Variants in DNAJC1 observed in about 807,000 individuals in gnomAD.
DNAJC1 encodes the protein DnaJ heat shock protein family (Hsp40) member C1.
In DNAJC1, 58 loss-of-function variants were observed where a neutral mutation model predicts 76.6. The observed-to-expected ratio is 0.76, with a 90% CI of 0.61 to 0.94. The LOEUF is 0.94. Ranked by LOEUF, DNAJC1 falls within the 40% of genes least tolerant of loss-of-function variation. The pLI is 0.00. For missense variants in DNAJC1, 689 were observed against 677.3 expected, an observed-to-expected ratio of 1.02 and a Z score of -0.19; for synonymous variants, 258 against 267.9, an observed-to-expected ratio of 0.96 and a Z score of 0.36.
At chr10:21,952,684 G>A (rs1307641863) in intron 1 of DNAJC1, among the ~76,000 whole-genome samples, 7 of 152,142 alleles carry the variant, frequency 4.6e-5, no homozygotes, top group African/African-American at 4.8e-5. Flanking sequence ...ACTTGAAACT[G>A]GGAGGCAGAG....
chr10:21,872,218 T>C (rs1836116217), intron 8 of DNAJC1, among the ~76,000 whole-genome samples: 1 of 151,532 alleles, frequency 6.6e-6, no homozygotes, highest in African/African-American at 2.4e-5. Context: ...GGATTACAGG[T>C]GCCCACCACC....
At chr10:21,929,467 A>G (rs1407886363) in intron 1 of DNAJC1, among the ~76,000 whole-genome samples, 1 of 152,238 alleles carries the variant, frequency 6.6e-6, no homozygotes, top group Non-Finnish European at 1.5e-5. Context: ...ATCAAAAAGA[A>G]ACAAATTAAA....
rs1356918239 is a variant in DNAJC1 at position 21,759,508 on chromosome 10, C to T, written c.1258G>A (p.Val420Met). ...MITQREDAEG[V>M]AAEEEQEGDS... The stretch of plus-strand genomic sequence containing the variant: ...CCCTCCTGCTCCTCCTCCGCTGCCA[C>T]CCCCTCTGCGTCCTCTCGCTGGGTG... Residue 420 changes from valine to methionine, a missense_variant, in exon 11 of 12, where the codon GTG becomes ATG. Physicochemically the swap from Val to Met is conservative, Grantham distance 21. Coordinates refer to ENST00000376980, the MANE Select transcript of DNAJC1 (RefSeq NM_022365.4). 3 of 1,614,178 alleles carry T rather than the reference C, an allele frequency of 1.9e-6. No homozygotes were observed. Among genetic ancestry groups the T allele is most frequent in the Admixed American group, 1.7e-5 (1 of 60,014 alleles).
intron 3 of DNAJC1, among the ~76,000 whole-genome samples, chr10:21,922,273 G>GATTATT (rs1316029636): frequency 6.6e-6 from 1 of 151,782 alleles, no homozygotes; most frequent in Non-Finnish European, 1.5e-5. Context: ...TAAAGCAGAG[G>GATTATT]ATTTATTACA....
intron 9 of DNAJC1, among the ~76,000 whole-genome samples, chr10:21,779,876 T>C (rs189779964): frequency 1.9e-3 from 294 of 152,170 alleles, no homozygotes; most frequent in Non-Finnish European, 2.9e-3. Flanking sequence ...CTAACTAGAA[T>C]AACCAGTGTA....
At chr10:21,895,190 T>C (rs1836521677) in intron 7 of DNAJC1, among the ~76,000 whole-genome samples, 1 of 152,144 alleles carries the variant, frequency 6.6e-6, no homozygotes, top group South Asian at 2.1e-4. Context: ...ATTAAGCATG[T>C]TTCCAGTGAG....
At chr10:21,768,816 A>T (rs1176032149) in intron 9 of DNAJC1, among the ~76,000 whole-genome samples, 2 of 152,152 alleles carry the variant, frequency 1.3e-5, no homozygotes, top group Non-Finnish European at 2.9e-5. Context: ...TCCTAATTCA[A>T]AGAAATAAAT....
At chr10:21,854,140 G>A (rs1269023613) in intron 8 of DNAJC1, among the ~76,000 whole-genome samples, 1 of 152,082 alleles carries the variant, frequency 6.6e-6, no homozygotes, top group Non-Finnish European at 1.5e-5. Flanking sequence ...CCATCAGGTT[G>A]TTTATAGTAG....
intron 7 of DNAJC1, among the ~76,000 whole-genome samples, chr10:21,884,635 T>C (rs1836340369): frequency 6.6e-6 from 1 of 152,274 alleles, no homozygotes; most frequent in Admixed American, 6.5e-5. Context: ...CATAGAGAGA[T>C]GAAACTATTA....
intron 8 of DNAJC1, among the ~76,000 whole-genome samples, chr10:21,852,189 C>T (rs1835768108): frequency 6.6e-6 from 1 of 151,044 alleles, no homozygotes; most frequent in Non-Finnish European, 1.5e-5. Flanking sequence ...GGATGACCAT[C>T]AAAATATGCT....
intron 8 of DNAJC1, among the ~76,000 whole-genome samples, chr10:21,840,280 G>C (rs1418851624): frequency 6.6e-6 from 1 of 152,140 alleles, no homozygotes; most frequent in African/African-American, 2.4e-5. Flanking sequence ...GGAAATAAAG[G>C]GTATTCAGTT....
intron 8 of DNAJC1, among the ~76,000 whole-genome samples, chr10:21,818,558 A>T (rs1835110906): frequency 6.6e-6 from 1 of 152,032 alleles, no homozygotes; most frequent in Non-Finnish European, 1.5e-5. Flanking sequence ...ACTAATAAAA[A>T]TTTGCTGGTT....
chr10:21,841,384 T>C (rs1332117296), intron 8 of DNAJC1, among the ~76,000 whole-genome samples: 1 of 151,980 alleles, frequency 6.6e-6, no homozygotes, highest in Non-Finnish European at 1.5e-5. Context: ...GAATCTACAA[T>C]GAACTCAAAC....
At chr10:21,823,308 C>T (rs1037027273) in intron 8 of DNAJC1, among the ~76,000 whole-genome samples, 1 of 152,044 alleles carries the variant, frequency 6.6e-6, no homozygotes, top group African/African-American at 2.4e-5. Flanking sequence ...AAGATGGTTC[C>T]TAGGATGGGA....
chr10:21,907,168 C>T (rs1209210967), intron 6 of DNAJC1, among the ~76,000 whole-genome samples: 1 of 152,196 alleles, frequency 6.6e-6, no homozygotes, highest in African/African-American at 2.4e-5. Flanking sequence ...TCCAAATCCT[C>T]ACTTATCTGA....
intron 8 of DNAJC1, among the ~76,000 whole-genome samples, chr10:21,837,696 G>A (rs1310113781): frequency 2.6e-5 from 4 of 151,428 alleles, no homozygotes; most frequent in African/African-American, 9.7e-5. Flanking sequence ...TCTGGGAAGT[G>A]AGGAGCCCCT....
At chr10:21,970,339 A>T (rs1160675004) in intron 1 of DNAJC1, among the ~76,000 whole-genome samples, 1 of 152,086 alleles carries the variant, frequency 6.6e-6, no homozygotes, top group African/African-American at 2.4e-5. Context: ...TAAGTTGTTA[A>T]AGGAGGTCAA....
At chr10:21,892,370 C>T (rs961651317) in intron 7 of DNAJC1, among the ~76,000 whole-genome samples, 10 of 151,408 alleles carry the variant, frequency 6.6e-5, no homozygotes, top group African/African-American at 2.4e-4. Context: ...CACACACACA[C>T]ACACACACAC....
At chr10:21,827,136 G>A (rs554549418) in intron 8 of DNAJC1, among the ~76,000 whole-genome samples, 3 of 152,036 alleles carry the variant, frequency 2.0e-5, no homozygotes, top group South Asian at 4.2e-4. Context: ...AGCAATGTTT[G>A]GACGTTTTCA....
Sources: gnomAD v4.1 joint callset for allele counts (sites outside exome capture counted in the v4.1 genomes callset) on GRCh38, gnomAD v4.1.1 for gene constraint, MANE v1.5 for transcripts, NCBI Gene and HGNC (gene_info 2026-07-23, HGNC 2026-07-21) for gene names.